Variants in ZNF816 observed in about 807,000 individuals in gnomAD.
ZNF816 encodes zinc finger protein 816A.
A neutral mutation model predicts 8.3 loss-of-function variants in ZNF816; 11 were observed. The ratio of observed to expected loss-of-function variants is 1.32; its 90% confidence interval spans 0.83 to 2.19. ZNF816 has a LOEUF of 2.19. Ranked by LOEUF, ZNF816 falls within the 30% of genes most tolerant of loss-of-function variation. ZNF816 has a pLI of 0.00. For missense variants in ZNF816, 710 were observed against 779.3 expected (o/e 0.91, Z 1.06); for synonymous variants, 255 against 254.5 (o/e 1.00, Z -0.02).
intron 3 of ZNF816, 170 bp downstream of exon 3, chr19:52,952,581 G>A (rs1024031940): frequency 7.8e-7 from 1 of 1,274,282 alleles, no homozygotes. Context: ...CTCCAAAGAA[G>A]AGTCTCTAAG....
In ZNF816 at chr19:52,956,077, C is replaced by T. The variant is rs765414032; in HGVS notation, c.13G>A (p.Glu5Lys). 50 of 1,610,986 alleles carry T rather than the reference C, an allele frequency of 3.1e-5. No homozygotes were observed. Among genetic ancestry groups the T allele is most frequent in the Non-Finnish European group, 4.0e-5 (47 of 1,179,262 alleles). The change falls in exon 2 of 4, where the codon GAA (glutamate) becomes AAA (lysine). Residue 5 changes from glutamate to lysine, a missense_variant. Transcript: ENST00000444460. Reference protein sequence around the residue: MLREEATKKSKEKEP... With the variant: MLREKATKKSKEKEP... ...TTTTCTTTGCTCTTCTTGGTGGCTT[C>T]CTCACGTAACATGAGTCTTTGGAAA...
rs1317398361 is a variant in ZNF816 at position 52,951,584 on chromosome 19, T to C, written c.191A>G (p.Asp64Gly). The change falls in exon 4 of 4, where the codon GAT (aspartate) becomes GGT (glycine). Residue 64 changes from aspartate to glycine, a missense_variant and splice_region_variant. Transcript: ENST00000444460. ...LENYRNLEFV[D>G]SSLKSMMEFS... is the part of the protein sequence containing the mutation. ...CTCCATCATGGATTTTAAAGAGCTA[T>C]CTAAAAAATATAAAGACCAATAGGT... 2 of 1,532,048 alleles carry C rather than the reference T, an allele frequency of 1.3e-6. No homozygotes were observed. The highest frequency in any genetic ancestry group is 1.7e-6 in the Non-Finnish European group (2 of 1,144,166). 94.9% of individuals were successfully genotyped at this position (1,532,048 alleles called of 1,614,324 possible).
chr19:52,960,725 A>T (rs2083549306), intron 1 of ZNF816, among the ~76,000 whole-genome samples: 1 of 152,168 alleles, frequency 6.6e-6, no homozygotes, highest in African/African-American at 2.4e-5. Context: ...AAAGTACCCC[A>T]GACCGTCATC....
chr19:52,954,472 C>T (rs1171903193), intron 2 of ZNF816, among the ~76,000 whole-genome samples: 1 of 152,172 alleles, frequency 6.6e-6, no homozygotes, highest in Non-Finnish European at 1.5e-5. Context: ...AGTGAGCTAT[C>T]TTGTTTTCTA....
chr19:52,958,111 G>C (rs2083525797), intron 1 of ZNF816, among the ~76,000 whole-genome samples: 1 of 152,150 alleles, frequency 6.6e-6, no homozygotes. Flanking sequence ...AAAGTATCCA[G>C]GTCCATCTCA....
At position 52,950,743 on chromosome 19, in the gene ZNF816, A is replaced by C; in HGVS notation, c.1032T>G (p.Asn344Lys). ...LHTGEKPYKCNECGKTFGRNS... is the reference protein window; with the variant it reads ...LHTGEKPYKCKECGKTFGRNS... ...TTCGACCAAAAGTCTTGCCACACTC[A>C]TTACACTTGTAAGGTTTCTCTCCAG... The change falls in exon 4 of 4, where the codon AAT becomes AAG. Residue 344 changes from asparagine to lysine, a missense_variant. Transcript: ENST00000444460. The C allele has an allele frequency of 3.1e-6, 5 of 1,613,720 alleles. No homozygotes were observed. Among genetic ancestry groups the C allele is most frequent in the Non-Finnish European group, 4.2e-6 (5 of 1,179,972 alleles).
At chr19:52,953,213 G>A (rs988846493) in intron 2 of ZNF816, 30 of 229,556 alleles carry the variant, frequency 1.3e-4, no homozygotes, top group Non-Finnish European at 2.1e-4. Context: ...ACAATATGGT[G>A]TAACCCCGTC....
intron 3 of ZNF816, chr19:52,951,899 GA>G (rs201936510): frequency 2.4e-4 from 90 of 370,942 alleles, no homozygotes; most frequent in South Asian, 1.9e-3. Flanking sequence ...ATTCTGTGTA[GA>G]AAAAAAAAAG....
In ZNF816 at chr19:52,950,914, A is replaced by G; in HGVS notation, c.861T>C (p.Cys287=). 6.2e-7 allele frequency: 1 copy of G among 1,614,204 alleles called. No homozygotes were observed. The highest frequency in any genetic ancestry group is 8.5e-7 in the Non-Finnish European group (1 of 1,180,016). Residue 287 remains cysteine, a synonymous_variant, in exon 4 of 4, where the codon TGT becomes TGC. Coordinates refer to ENST00000444460, the MANE Select transcript of ZNF816 (RefSeq NM_001202457.3). The stretch of plus-strand genomic sequence containing the variant: ...GAGTGAAGGTCTTCCCACACTCATT[A>G]CACTTGTAAGTTTTCTCACCAGTGT... The part of the protein sequence containing the change: ...RCHTGEKTYK[C]NECGKTFTQM...
intron 1 of ZNF816, among the ~76,000 whole-genome samples, chr19:52,958,719 G>T (rs1016518178): frequency 5.9e-5 from 9 of 152,176 alleles, no homozygotes; most frequent in African/African-American, 2.2e-4. Context: ...GGGGAGCGCA[G>T]CCTGGGATCA....
rs1222421013 is a variant in ZNF816 at position 52,957,701 on chromosome 19, T to C, written c.-15-1597A>G. Reference sequence around the variant, plus strand: ...GTTATAATCGGAGCCATGGGAGTTTTATCAAAGCAAGCTTTCTGTTGCCCC... The same window carrying C: ...GTTATAATCGGAGCCATGGGAGTTTCATCAAAGCAAGCTTTCTGTTGCCCC... On this transcript the variant is annotated intron_variant, in intron 1 of 3. Coordinates refer to ENST00000444460, the MANE Select transcript of ZNF816 (RefSeq NM_001202457.3). This position sits in a 1 kb window ranked among gnomAD's most constrained non-coding sequence, Gnocchi z 4.6. Among the ~76,000 whole-genome samples the C allele has an allele frequency of 6.6e-6, 1 of 152,220 alleles. No homozygotes were observed. Among genetic ancestry groups the C allele is most frequent in the Non-Finnish European group, 1.5e-5 (1 of 68,048 alleles).
intron 3 of ZNF816, 111 bp downstream of exon 3, chr19:52,952,640 A>T: frequency 6.4e-7 from 1 of 1,570,882 alleles, no homozygotes; most frequent in Non-Finnish European, 8.6e-7. Context: ...AAACAATGAC[A>T]TGTACATCAA....
In ZNF816 at chr19:52,957,852, T is replaced by C. The variant is rs773514504; in HGVS notation, c.-15-1748A>G. ...GTCTCTTCTACAGAGCACAGCTCTTTACAGCTAAGGTTACCCAGAACGGGA... is the reference window on the plus strand; with the variant it reads ...GTCTCTTCTACAGAGCACAGCTCTTCACAGCTAAGGTTACCCAGAACGGGA... On this transcript the variant is annotated intron_variant, in intron 1 of 3. Coordinates refer to ENST00000444460, the MANE Select transcript of ZNF816 (RefSeq NM_001202457.3). The surrounding 1 kb of genome is among the most constrained non-coding windows in gnomAD (Gnocchi z 4.6). 1.3e-5 allele frequency among the ~76,000 whole-genome samples: 2 copies of C among 152,192 alleles called. No individual in the cohort carries two copies. Among genetic ancestry groups the C allele is most frequent in the Non-Finnish European group, 2.9e-5 (2 of 68,042 alleles).
At position 52,950,593 on chromosome 19, in the gene ZNF816, C is replaced by G. The variant is rs985045608; in HGVS notation, c.1182G>C (p.Glu394Asp). Reference sequence around the variant, plus strand: ...CACATTCTTCACATTTGTAAGGTTTCTCTCCAGTGTGAAGTATATGATGGC... The same window carrying G: ...CACATTCTTCACATTTGTAAGGTTTGTCTCCAGTGTGAAGTATATGATGGC... The part of the protein sequence containing the change: ...LQCHHILHTG[E>D]KPYKCEECDN... The change falls in exon 4 of 4, where the codon GAG (glutamate) becomes GAC (aspartate). Residue 394 changes from glutamate to aspartate, a missense_variant. Physicochemically the swap from Glu to Asp is conservative, Grantham distance 45. Coordinates refer to ENST00000444460, the MANE Select transcript of ZNF816 (RefSeq NM_001202457.3). The G allele has an allele frequency of 6.2e-7, 1 of 1,614,040 alleles. No homozygotes were observed. Among genetic ancestry groups the G allele is most frequent in the Non-Finnish European group, 8.5e-7 (1 of 1,180,032 alleles).
rs772460770 is a variant in ZNF816, at chr19:52,956,035, G to A, written c.55C>T (p.Leu19Phe). The A allele has an allele frequency of 1.9e-6, 3 of 1,610,742 alleles. No homozygotes were observed. The highest frequency in any genetic ancestry group is 1.3e-5 in the African/African-American group (1 of 74,584). ...CAAGGAATATCACTTACCTGAGGAAGAGCCATCCCTGGCTCCTTTTCTTTG... is the reference window on the plus strand; with the variant it reads ...CAAGGAATATCACTTACCTGAGGAAAAGCCATCCCTGGCTCCTTTTCTTTG... ...KSKEKEPGMA[L>F]PQGRLTFRDV... Residue 19 changes from leucine (L) to phenylalanine (F), a missense_variant, in exon 2 of 4, where the codon CTT (leucine) becomes TTT (phenylalanine). Transcript: ENST00000444460.
intron 3 of ZNF816, chr19:52,951,820 G>A: frequency 2.1e-6 from 1 of 484,896 alleles, no homozygotes; most frequent in Non-Finnish European, 3.6e-6. Flanking sequence ...ATTGCTTGAA[G>A]CCAGGAGGCA....
chr19:52,950,942 C>A lies in ZNF816; in HGVS notation c.833G>T (p.Cys278Phe), dbSNP rs1160855923. The A allele has an allele frequency of 1.9e-6, 3 of 1,614,146 alleles. No homozygotes were observed. The South Asian group carries it at 3.3e-5, about 18-fold the overall frequency. The change falls in exon 4 of 4, where the codon TGT (cysteine) becomes TTT (phenylalanine). Residue 278 changes from cysteine to phenylalanine, a missense_variant. Cys to Phe is a radical substitution (Grantham distance 205, BLOSUM62 -2). Coordinates refer to ENST00000444460, the MANE Select transcript of ZNF816 (RefSeq NM_001202457.3). ...QKQYIVYHHR[C>F]HTGEKTYKCN... ...CTTGTAAGTTTTCTCACCAGTGTGACATCTATGATGATATACAATGTATTG... is the reference window on the plus strand; with the variant it reads ...CTTGTAAGTTTTCTCACCAGTGTGAAATCTATGATGATATACAATGTATTG...
chr19:52,952,382 C>T (rs1293129015), intron 3 of ZNF816: 5 of 383,830 alleles, frequency 1.3e-5, no homozygotes, highest in East Asian at 8.1e-5. Context: ...AACAAACAAA[C>T]AAAAAGAAAA....
chr19:52,951,806 C>T, intron 3 of ZNF816: 1 of 498,108 alleles, frequency 2.0e-6, no homozygotes, highest in African/African-American at 2.0e-5. Context: ...GCTGAGGCAG[C>T]AGAATTGCTT....
Sources: allele counts gnomAD v4.1 joint callset (sites outside exome capture counted in the v4.1 genomes callset), GRCh38; gene constraint gnomAD v4.1.1; non-coding constraint Gnocchi (gnomAD v3.1); transcripts MANE v1.5; gene names NCBI Gene and HGNC (gene_info 2026-07-23, HGNC 2026-07-21).